Variants in TBC1D10B observed in about 807,000 individuals in gnomAD.
TBC1D10B encodes TBC1 domain family member 10B, also known as Rab27A-GAPbeta.
A neutral mutation model predicts 78.4 loss-of-function variants in TBC1D10B; 25 were observed. The ratio of observed to expected loss-of-function variants is 0.32; its 90% CI spans 0.23 to 0.45. The LOEUF (loss-of-function observed/expected upper bound fraction) is 0.45, where lower values mean the gene tolerates loss of function less well. Ranked by LOEUF, TBC1D10B falls within the 20% of genes least tolerant of loss-of-function variation. The pLI is 1.00. For missense variants in TBC1D10B, 996 were observed against 1,104.8 expected, an observed-to-expected ratio of 0.90 and a Z score of 1.40; for synonymous variants, 517 against 478.0, an observed-to-expected ratio of 1.08 and a Z score of -1.06.
rs528525506 is a variant in TBC1D10B at position 30,359,901 on chromosome 16, C to G, written c.1272-60G>C. The G allele has an allele frequency of 4.8e-5, 69 of 1,425,250 alleles. 1 individual carries two copies. In the South Asian group the frequency reaches 6.4e-4, roughly 13 times the overall value. The allele number at this position is 1,425,250 out of a possible 1,614,324, so 88.3% of individuals were successfully genotyped here. On this transcript the variant is annotated intron_variant, in intron 4 of 8. Coordinates refer to ENST00000409939, the MANE Select transcript of TBC1D10B (RefSeq NM_015527.4). ...CGGGCTGAGAGCTCTGTCCCCAAAC[C>G]CAGTTCCAGATTCGTCCCAGAGTTT...
chr16:30,360,056 T>G, intron 4 of TBC1D10B: 1 of 547,408 alleles, frequency 1.8e-6, no homozygotes, highest in Non-Finnish European at 3.3e-6. Context: ...CTCCTGGCCA[T>G]CCCAGCACAG....
At chr16:30,364,721 A>G (rs1459830815) in intron 4 of TBC1D10B, among the ~76,000 whole-genome samples, 179 bp downstream of exon 4, 1 of 152,186 alleles carries the variant, frequency 6.6e-6, no homozygotes, top group Non-Finnish European at 1.5e-5. Flanking sequence ...ACCTGAGTCA[A>G]GTCTCCTTCC....
At position 30,358,337 on chromosome 16, in the gene TBC1D10B, G is replaced by A; in HGVS notation, c.2034C>T (p.Ser678=). 1 of 1,561,826 alleles carries A rather than the reference G, an allele frequency of 6.4e-7. No individual in the cohort carries two copies. Among genetic ancestry groups the A allele is most frequent in the African/African-American group, 1.4e-5 (1 of 73,634 alleles). ...TGGCTCTGCGGACGGGGGGCGGCGGGGACGGGGCCCCTCCAGCTGCCCGGG... is the reference window on the plus strand; with the variant it reads ...TGGCTCTGCGGACGGGGGGCGGCGGAGACGGGGCCCCTCCAGCTGCCCGGG... ...RGSRAAGGAP[S]PPPPVRRASA... The change falls in exon 9 of 9, where the codon TCC becomes TCT. Residue 678 remains serine (S), a synonymous_variant. Transcript: ENST00000409939.
rs1038027775 is a variant in TBC1D10B at position 30,365,781 on chromosome 16, T to C, written c.957-187A>G. 9 of 589,934 alleles carry C rather than the reference T, an allele frequency of 1.5e-5. No homozygotes were observed. The highest frequency in any genetic ancestry group is 9.2e-6 in the Non-Finnish European group (3 of 327,760). The allele number at this position is 589,934 out of a possible 1,614,324, so 36.5% of individuals were successfully genotyped here. A position where few individuals can be genotyped will look rare whatever the true frequency, so the allele number is the denominator to read the frequency against. Reference sequence around the variant, plus strand: ...ACACTGAAAGGGCTTCCTTCCCTGATGGATCTCTATTCAGAGGTCATATTT... The same window carrying C: ...ACACTGAAAGGGCTTCCTTCCCTGACGGATCTCTATTCAGAGGTCATATTT... On this transcript the variant is annotated intron_variant, in intron 1 of 8. Coordinates refer to ENST00000409939, the MANE Select transcript of TBC1D10B (RefSeq NM_015527.4). The surrounding 1 kb of genome is among the most constrained non-coding windows in gnomAD (Gnocchi z 5.0).
chr16:30,360,635 C>T (rs975202217), intron 4 of TBC1D10B, among the ~76,000 whole-genome samples: 2 of 152,214 alleles, frequency 1.3e-5, no homozygotes, highest in African/African-American at 2.4e-5. Flanking sequence ...TATCTGCATA[C>T]CACCCTACTA....
rs1422320053 is a variant in TBC1D10B at position 30,369,630 on chromosome 16, G to C, written c.554C>G (p.Ala185Gly). The C allele has an allele frequency of 1.3e-6, 2 of 1,530,520 alleles. No homozygotes were observed. Among genetic ancestry groups the C allele is most frequent in the African/African-American group, 1.4e-5 (1 of 72,254 alleles). 94.8% of individuals were successfully genotyped at this position (1,530,520 alleles called of 1,614,324 possible). ...TGTCACTTGTCCTGATGCACTCCGT[G>C]CAGTCACTCCTGAGGCCACTGTGGT... Reference protein sequence around the residue: ...PGTTVASGVTARSASGQVTGG... With the variant: ...PGTTVASGVTGRSASGQVTGG... The change falls in exon 1 of 9, where the codon GCA becomes GGA. Residue 185 changes from alanine (A) to glycine (G), a missense_variant. Around this residue, in one of 5 missense-constraint regions of TBC1D10B, gnomAD observed 448 missense variants for 442.1 expected, o/e 1.01. Coordinates refer to ENST00000409939, the MANE Select transcript of TBC1D10B (RefSeq NM_015527.4). The surrounding 1 kb of genome is among the most constrained non-coding windows in gnomAD (Gnocchi z 4.3).
rs934927238 is a variant in TBC1D10B at position 30,370,272 on chromosome 16, G to C, written c.-89C>G. ...CTCCCGGCGAGGCCAGCCGAGAAAG[G>C]GGAGAGGGCGAAGGGCGCGGCTCGG... On this transcript the variant is annotated 5_prime_UTR_variant, in exon 1 of 9. Transcript: ENST00000409939. 22 of 688,832 alleles carry C rather than the reference G, an allele frequency of 3.2e-5. No individual in the cohort carries two copies. The Admixed American group carries it at 5.8e-4, about 18-fold the overall frequency. The allele number at this position is 688,832 out of a possible 1,614,324, so 42.7% of individuals were successfully genotyped here. A position where few individuals can be genotyped will look rare whatever the true frequency, so the allele number is the denominator to read the frequency against.
In TBC1D10B at chr16:30,365,273, C is replaced by T; in HGVS notation, c.1057-61G>A. 2 of 1,487,248 alleles carry T rather than the reference C, an allele frequency of 1.3e-6. No individual in the cohort carries two copies. The highest frequency in any genetic ancestry group is 1.9e-6 in the Non-Finnish European group (2 of 1,069,748). The allele number at this position is 1,487,248 out of a possible 1,614,324, so 92.1% of individuals were successfully genotyped here. On this transcript the variant is annotated intron_variant, in intron 2 of 8. Coordinates refer to ENST00000409939, the MANE Select transcript of TBC1D10B (RefSeq NM_015527.4). This position sits in a 1 kb window ranked among gnomAD's most constrained non-coding sequence, Gnocchi z 5.0. The stretch of plus-strand genomic sequence containing the variant: ...GGCTGGCACAGCCTCCAACCTTTCC[C>T]CAGCAGTCCACAAACTCCCTGGATA...
Position 30,357,460 on chromosome 16 carries a change from C to T in TBC1D10B, c.*484G>A, listed in dbSNP as rs1453686931. 5.6e-6 allele frequency: 1 copy of T among 177,512 alleles called. No homozygotes were observed. The highest frequency in any genetic ancestry group is 2.4e-5 in the African/African-American group (1 of 42,092). 11.0% of individuals were successfully genotyped at this position (177,512 alleles called of 1,614,324 possible). ...ACAGAAGACAAAGCGAGCACCCCCA[C>T]CCCAGGCCAACGCCATCCTCTGTAC... On this transcript the variant is annotated 3_prime_UTR_variant, in exon 9 of 9. Transcript: ENST00000409939.
chr16:30,368,369 G>A lies in TBC1D10B; in HGVS notation c.956+859C>T, dbSNP rs79511529. 2.6e-3 allele frequency among the ~76,000 whole-genome samples: 402 copies of A among 152,240 alleles called. 1 individual carries two copies. The highest frequency in any genetic ancestry group is 8.4e-3 in the African/African-American group (349 of 41,526). On this transcript the variant is annotated intron_variant, in intron 1 of 8. Coordinates refer to ENST00000409939, the MANE Select transcript of TBC1D10B (RefSeq NM_015527.4). ...TCTTCTATTGAAACCAACTGTTTAAGTACTTTTCTTTCTCTCCAGATGATT... is the reference window on the plus strand; with the variant it reads ...TCTTCTATTGAAACCAACTGTTTAAATACTTTTCTTTCTCTCCAGATGATT...
chr16:30,360,650 G>A (rs1181730865), intron 4 of TBC1D10B, among the ~76,000 whole-genome samples: 1 of 152,152 alleles, frequency 6.6e-6, no homozygotes, highest in African/African-American at 2.4e-5. Context: ...CTACTATTTA[G>A]TTGACATTTT....
At chr16:30,359,967 C>T (rs371556760) in intron 4 of TBC1D10B, 126 bp from the exon 5 acceptor site, 6 of 867,180 alleles carry the variant, frequency 6.9e-6, no homozygotes, top group Admixed American at 2.7e-5. Flanking sequence ...TCCTGCTGAG[C>T]GAGCTTCAGC....
In TBC1D10B at chr16:30,358,732, C is replaced by T. The variant is rs1567411416; in HGVS notation, c.1728G>A (p.Met576Ile). Residue 576 changes from methionine (M) to isoleucine (I), a missense_variant, in exon 8 of 9, where the codon ATG becomes ATA. This residue lies in a region of TBC1D10B where 168 missense variants were observed against 238.7 expected (regional missense o/e 0.70). Transcript: ENST00000409939. The stretch of plus-strand genomic sequence containing the variant: ...TACGCAGCTGCTCCATGGTCTCATA[C>T]ATGCCTTGGCAGGAGCGCAGCTTCT... ...SVEKLRSCQG[M>I]YETMEQLRNL... is the part of the protein sequence containing the mutation. 6.2e-7 allele frequency: 1 copy of T among 1,610,528 alleles called. No homozygotes were observed. Among genetic ancestry groups the T allele is most frequent in the Non-Finnish European group, 8.5e-7 (1 of 1,178,374 alleles).
chr16:30,357,282 G>T lies in TBC1D10B; in HGVS notation c.*662C>A. 6.4e-6 allele frequency: 1 copy of T among 156,860 alleles called. No homozygotes were observed. Among genetic ancestry groups the T allele is most frequent in the Non-Finnish European group, 1.4e-5 (1 of 70,514 alleles). 9.7% of individuals were successfully genotyped at this position (156,860 alleles called of 1,614,324 possible). On this transcript the variant is annotated 3_prime_UTR_variant, in exon 9 of 9. Transcript: ENST00000409939. The stretch of plus-strand genomic sequence containing the variant: ...AGGTGAAAGGTATGGGTCCTGGTGA[G>T]ACAAAAGCAGGGGGGCCTGAGAACA...
intron 4 of TBC1D10B, 54 bp downstream of exon 4, chr16:30,364,846 G>A (rs2049624417): frequency 1.3e-6 from 2 of 1,517,096 alleles, no homozygotes; most frequent in East Asian, 4.9e-5. Flanking sequence ...TAGCTAAAAG[G>A]TGGATCCTCC....
At position 30,365,522 on chromosome 16, in the gene TBC1D10B, A is replaced by G; in HGVS notation, c.1029T>C (p.Asp343=). The part of the protein sequence containing the change: ...LKWLDMFSNW[D]KWLSRRFQKV... The stretch of plus-strand genomic sequence containing the variant: ...TCTGGAATCGCCGTGACAGCCACTT[A>G]TCCCAGTTACTGAACATGTCCAGCC... The change falls in exon 2 of 9, where the codon GAT becomes GAC. Residue 343 remains aspartate (D), a synonymous_variant. Coordinates refer to ENST00000409939, the MANE Select transcript of TBC1D10B (RefSeq NM_015527.4). This position sits in a 1 kb window ranked among gnomAD's most constrained non-coding sequence, Gnocchi z 5.0. 1 of 1,613,980 alleles carries G rather than the reference A, an allele frequency of 6.2e-7. No individual in the cohort carries two copies. Among genetic ancestry groups the G allele is most frequent in the Non-Finnish European group, 8.5e-7 (1 of 1,179,892 alleles).
At position 30,365,417 on chromosome 16, in the gene TBC1D10B, G is replaced by A. The variant is rs568496509; in HGVS notation, c.1056+78C>T. 180 of 1,536,442 alleles carry A rather than the reference G, an allele frequency of 1.2e-4. 5 individuals are homozygous for A. The South Asian group carries it at 1.5e-3, about 13-fold the overall frequency. On this transcript the variant is annotated intron_variant, in intron 2 of 8. Transcript: ENST00000409939. This position sits in a 1 kb window ranked among gnomAD's most constrained non-coding sequence, Gnocchi z 5.0. ...TGTGGTCCAGAGGGCAGATATTATC[G>A]GCTTCCTGGGCTTCCCTGGAGCACA...
chr16:30,357,164 CAG>C lies in TBC1D10B; in HGVS notation c.*778_*779del, dbSNP rs1373714175. 6.5e-6 allele frequency: 1 copy of C among 152,758 alleles called. No homozygotes were observed. Among genetic ancestry groups the C allele is most frequent in the East Asian group, 1.9e-4 (1 of 5,196 alleles). 9.5% of individuals were successfully genotyped at this position (152,758 alleles called of 1,614,324 possible). The stretch of plus-strand genomic sequence containing the variant: ...GCGCTGCATGGGGTGGGGGCAGAGA[CAG>C]AAGAGAATGTAAACATTGGGTTCCA... On this transcript the variant is annotated 3_prime_UTR_variant, in exon 9 of 9. Transcript: ENST00000409939.
intron 1 of TBC1D10B, chr16:30,367,353 G>A (rs2049644274): frequency 6.6e-6 from 1 of 152,188 alleles, no homozygotes; most frequent in African/African-American, 2.4e-5. Flanking sequence ...CTTAAACAGA[G>A]AGACCATCTC....
Sources: allele counts gnomAD v4.1 joint callset (sites outside exome capture counted in the v4.1 genomes callset), GRCh38; gene constraint gnomAD v4.1.1; regional missense constraint gnomAD v4.1.1; non-coding constraint Gnocchi (gnomAD v3.1); transcripts MANE v1.5; gene names NCBI Gene and HGNC (gene_info 2026-07-23, HGNC 2026-07-21).